The following RNPC3 variants were observed in gnomAD, a reference collection of about 807,000 sequenced individuals.
RNPC3 encodes the protein RNA-binding region-containing protein 3.
In RNPC3, 48 loss-of-function variants were observed where a neutral mutation model predicts 67.5. The ratio of observed to expected loss-of-function variants is 0.71; its 90% CI spans 0.56 to 0.90. The LOEUF is 0.90. Ranked by LOEUF, RNPC3 falls within the 40% of genes least tolerant of loss-of-function variation. The pLI is 0.00. For synonymous variants in RNPC3, 239 were observed against 210.3 expected, an observed-to-expected ratio of 1.14 and a Z score of -1.18; for missense variants, 637 against 626.1, an observed-to-expected ratio of 1.02 and a Z score of -0.19.
intron 7 of RNPC3, among the ~76,000 whole-genome samples, chr1:103,538,564 T>C (rs1651049654): frequency 6.6e-6 from 1 of 152,296 alleles, no homozygotes; most frequent in East Asian, 1.9e-4. Flanking sequence ...AACAAGGTAA[T>C]GTATTGATCA....
intron 10 of RNPC3, chr1:103,546,028 AAT>A (rs1557760266): frequency 1.3e-5 from 3 of 237,204 alleles, no homozygotes; most frequent in Non-Finnish European, 1.6e-5. Flanking sequence ...ACCCATTTGT[AAT>A]ATTGTTACTA....
chr1:103,544,156 A>G (rs1557759740), intron 9 of RNPC3, among the ~76,000 whole-genome samples: 1 of 151,710 alleles, frequency 6.6e-6, no homozygotes, highest in South Asian at 2.1e-4. Flanking sequence ...GTATGTGTAT[A>G]TACATACATG....
chr1:103,545,091 T>C lies in RNPC3; in HGVS notation c.1196T>C (p.Ile399Thr). The part of the protein sequence containing the change: ...ISRRELEKGR[I>T]SREEMETLSV... ...AGAAGGGAATTGGAAAAGGGCAGAA[T>C]TTCTAGAGAAGGTAATGTCACGAAA... The change falls in exon 10 of 15, where the codon ATT (isoleucine) becomes ACT (threonine). Residue 399 changes from isoleucine (I) to threonine (T), a missense_variant. Transcript: ENST00000423855. 6.5e-7 allele frequency: 1 copy of C among 1,531,892 alleles called. No homozygotes were observed. Among genetic ancestry groups the C allele is most frequent in the Non-Finnish European group, 8.7e-7 (1 of 1,144,258 alleles). 94.9% of individuals were successfully genotyped at this position (1,531,892 alleles called of 1,614,324 possible).
At chr1:103,547,202 CA>C (rs1390064929) in intron 12 of RNPC3, among the ~76,000 whole-genome samples, 167 bp downstream of exon 12, 4 of 152,078 alleles carry the variant, frequency 2.6e-5, no homozygotes, top group African/African-American at 9.7e-5. Flanking sequence ...TAGGAGTTGG[CA>C]AACTTTTTCT....
intron 13 of RNPC3, 65 bp from the exon 14 acceptor site, chr1:103,551,656 T>C (rs1032414316): frequency 9.3e-7 from 1 of 1,072,284 alleles, no homozygotes; most frequent in South Asian, 1.5e-5. Context: ...TAGAAAGTTT[T>C]TGAGAATTAT....
intron 2 of RNPC3, among the ~76,000 whole-genome samples, chr1:103,533,483 C>A (rs1650909395): frequency 6.6e-6 from 1 of 151,906 alleles, no homozygotes; most frequent in Non-Finnish European, 1.5e-5. Context: ...TGTTTTCTAG[C>A]CATTTTCAGC....
In RNPC3 at chr1:103,545,112, C is replaced by T. The variant is rs545907522; in HGVS notation, c.1207+10C>T. The T allele has an allele frequency of 1.0e-4, 153 of 1,523,578 alleles. 1 individual carries two copies. In the South Asian group the frequency reaches 1.2e-3, roughly 12 times the overall value. The allele number at this position is 1,523,578 out of a possible 1,614,324, so 94.4% of individuals were successfully genotyped here. Reference sequence around the variant, plus strand: ...AGAATTTCTAGAGAAGGTAATGTCACGAAATAAACTAAGCACATATTCCAT... The same window carrying T: ...AGAATTTCTAGAGAAGGTAATGTCATGAAATAAACTAAGCACATATTCCAT... On this transcript the variant is annotated intron_variant, in intron 10 of 14. Transcript: ENST00000423855.
At chr1:103,546,856 T>C (rs963869894) in intron 11 of RNPC3, 121 bp from the exon 12 acceptor site, 11 of 538,426 alleles carry the variant, frequency 2.0e-5, no homozygotes, top group Non-Finnish European at 3.5e-5. Context: ...CCAGTCATAT[T>C]AGATTAAAGC....
At chr1:103,533,962 G>C in intron 3 of RNPC3, 105 bp downstream of exon 3, 1 of 670,772 alleles carries the variant, frequency 1.5e-6, no homozygotes, top group Non-Finnish European at 2.6e-6. Context: ...GCAAGTAATT[G>C]GAAGAGGAAT....
chr1:103,550,948 AT>A lies in RNPC3; in HGVS notation c.1370del (p.Ile457AsnfsTer3), dbSNP rs754155688. ...SSETQRIMFD[I>X]RLMKEGRMKG... is the part of the protein sequence containing the mutation. Reference sequence around the variant, plus strand: ...ACTGTTTCTTCCTTCTAGGTTTGATATACGTTTGATGAAAGAAGGTCGTATG... The same window carrying A: ...ACTGTTTCTTCCTTCTAGGTTTGATAACGTTTGATGAAAGAAGGTCGTATG... On this transcript the variant is annotated frameshift_variant, in exon 13 of 15. Transcript: ENST00000423855. LOFTEE classifies it high-confidence loss of function. The A allele has an allele frequency of 6.5e-5, 105 of 1,610,816 alleles. No individual in the cohort carries two copies. Among genetic ancestry groups the A allele is most frequent in the Non-Finnish European group, 8.6e-5 (101 of 1,179,414 alleles).
chr1:103,551,691 A>C lies in RNPC3; in HGVS notation c.1495-30A>C, dbSNP rs1244096222. ...TTTAGAAAAGATTACTTGCATATTCATGAAGGAAACCTTAATTTTAAATTA... is the reference window on the plus strand; with the variant it reads ...TTTAGAAAAGATTACTTGCATATTCCTGAAGGAAACCTTAATTTTAAATTA... On this transcript the variant is annotated intron_variant, in intron 13 of 14. Coordinates refer to ENST00000423855, the MANE Select transcript of RNPC3 (RefSeq NM_017619.4). 1.1e-5 allele frequency: 15 copies of C among 1,412,846 alleles called. No individual in the cohort carries two copies. In the East Asian group the frequency reaches 3.5e-4, roughly 33 times the overall value. 87.5% of individuals were successfully genotyped at this position (1,412,846 alleles called of 1,614,324 possible). A position where few individuals can be genotyped will look rare whatever the true frequency, so the allele number is the denominator to read the frequency against.
At chr1:103,535,479 T>C (rs1011455442) in intron 5 of RNPC3, 38 bp downstream of exon 5, 39 of 1,227,594 alleles carry the variant, frequency 3.2e-5, no homozygotes, top group Non-Finnish European at 4.1e-5. Context: ...GGACTTGTTG[T>C]ATAGCTTGAT....
chr1:103,550,182 A>C (rs1324052229), intron 12 of RNPC3, among the ~76,000 whole-genome samples: 3 of 151,716 alleles, frequency 2.0e-5, no homozygotes, highest in Non-Finnish European at 4.4e-5. Flanking sequence ...TAATAATCAT[A>C]ATAATAATAA....
Position 103,526,018 on chromosome 1 carries a change from G to A in RNPC3, c.-53G>A. 1 of 1,402,928 alleles carries A rather than the reference G, an allele frequency of 7.1e-7. No individual in the cohort carries two copies. Among genetic ancestry groups the A allele is most frequent in the African/African-American group, 1.4e-5 (1 of 69,134 alleles). The allele number at this position is 1,402,928 out of a possible 1,614,324, so 86.9% of individuals were successfully genotyped here. On this transcript the variant is annotated 5_prime_UTR_variant, in exon 1 of 15. Coordinates refer to ENST00000423855, the MANE Select transcript of RNPC3 (RefSeq NM_017619.4). Reference sequence around the variant, plus strand: ...TTCTCCCAGCTTGTGTTGATGCCGCGATTTTGACTGAGACTTCTTCCCACG... The same window carrying A: ...TTCTCCCAGCTTGTGTTGATGCCGCAATTTTGACTGAGACTTCTTCCCACG...
intron 14 of RNPC3, 73 bp downstream of exon 14, chr1:103,551,865 A>G: frequency 1.2e-6 from 1 of 823,470 alleles, no homozygotes; most frequent in Non-Finnish European, 1.9e-6. Flanking sequence ...AAGTTTGACA[A>G]GGTAGTAATT....
intron 9 of RNPC3, among the ~76,000 whole-genome samples, chr1:103,544,567 A>G (rs1457791882): frequency 1.3e-5 from 2 of 151,908 alleles, no homozygotes; most frequent in Non-Finnish European, 3.0e-5. Flanking sequence ...TTGTGTGAAT[A>G]TAGGATAGAA....
intron 7 of RNPC3, among the ~76,000 whole-genome samples, chr1:103,538,560 G>GTA (rs1651049549): frequency 6.6e-6 from 1 of 152,134 alleles, no homozygotes; most frequent in African/African-American, 2.4e-5. Flanking sequence ...ATCAAACAAG[G>GTA]TAATGTATTG....
intron 6 of RNPC3, 30 bp downstream of exon 6, chr1:103,536,224 A>G: frequency 6.8e-7 from 1 of 1,479,176 alleles, no homozygotes; most frequent in Non-Finnish European, 9.1e-7. Context: ...TTTCAAGTCA[A>G]AATTTCTCTT....
At chr1:103,544,808 T>C (rs1001645804) in intron 9 of RNPC3, 133 bp from the exon 10 acceptor site, 1 of 515,022 alleles carries the variant, frequency 1.9e-6, no homozygotes, top group African/African-American at 2.0e-5. Context: ...ATGCCTCTTT[T>C]AGTATATTGA....
Sources: allele counts gnomAD v4.1 joint callset (sites outside exome capture counted in the v4.1 genomes callset), GRCh38; gene constraint gnomAD v4.1.1; transcripts MANE v1.5; gene names NCBI Gene and HGNC (gene_info 2026-07-23, HGNC 2026-07-21).